SMOC1: variants seen among roughly 807,000 people sequenced by gnomAD.
The protein encoded by SMOC1 is SPARC related modular calcium binding 1.
In SMOC1, 22 loss-of-function variants were observed where a neutral mutation model predicts 56.3. That is an observed-to-expected ratio of 0.39 (90% CI 0.28 to 0.56). SMOC1 has a LOEUF of 0.56. Ranked by LOEUF, SMOC1 falls within the 20% of genes least tolerant of loss-of-function variation. The pLI, the probability that SMOC1 is intolerant of heterozygous loss-of-function variation, is 0.61. For synonymous variants in SMOC1, 193 were observed against 215.0 expected, an observed-to-expected ratio of 0.90 and a Z score of 0.89; for missense variants, 509 against 565.4, an observed-to-expected ratio of 0.90 and a Z score of 1.01.
intron 5 of SMOC1, among the ~76,000 whole-genome samples, chr14:69,984,151 A>T (rs1884278403): frequency 6.6e-6 from 1 of 152,246 alleles, no homozygotes; most frequent in South Asian, 2.1e-4. Context: ...AACAGAATAG[A>T]GGACCCAGAA....
At position 69,909,163 on chromosome 14, in the gene SMOC1, G is replaced by A. The variant is rs1008410482; in HGVS notation, c.99+29386G>A. Reference sequence around the variant, plus strand: ...TGTCTTAAATCTCCATACTCCTAGGGCTCAGCACTTTATCAAGTGCTGAAA... The same window carrying A: ...TGTCTTAAATCTCCATACTCCTAGGACTCAGCACTTTATCAAGTGCTGAAA... On this transcript the variant is annotated intron_variant, in intron 1 of 11. Transcript: ENST00000361956. 8.5e-5 allele frequency among the ~76,000 whole-genome samples: 13 copies of A among 152,074 alleles called. No individual in the cohort carries two copies. In the East Asian group the frequency reaches 1.3e-3, roughly 16 times the overall value.
chr14:70,006,757 C>T (rs1885160762), intron 7 of SMOC1, among the ~76,000 whole-genome samples: 1 of 152,156 alleles, frequency 6.6e-6, no homozygotes, highest in South Asian at 2.1e-4. Flanking sequence ...AGGTGACCTC[C>T]CTCTCACATC....
intron 1 of SMOC1, among the ~76,000 whole-genome samples, chr14:69,921,900 C>G (rs910983293): frequency 6.6e-6 from 1 of 152,192 alleles, no homozygotes; most frequent in Non-Finnish European, 1.5e-5. Context: ...GGCCCCCTTT[C>G]CACCCCTGGA....
At chr14:69,903,570 C>G (rs1884321449) in intron 1 of SMOC1, among the ~76,000 whole-genome samples, 2 of 152,332 alleles carry the variant, frequency 1.3e-5, no homozygotes, top group Middle Eastern at 3.4e-3. Flanking sequence ...AAAAATTCCT[C>G]TGCCTTGGGA....
In SMOC1 at chr14:69,947,998, G is replaced by A. The variant is rs536039428; in HGVS notation, c.100-4140G>A. ...CATGCTCCTTGTCTCCACCCTAAATGGTAATCTCACTGAGGGTGGGTACCA... is the reference window on the plus strand; with the variant it reads ...CATGCTCCTTGTCTCCACCCTAAATAGTAATCTCACTGAGGGTGGGTACCA... On this transcript the variant is annotated intron_variant, in intron 1 of 11. Transcript: ENST00000361956. Among the ~76,000 whole-genome samples, 5 of 152,278 alleles carry A rather than the reference G, an allele frequency of 3.3e-5. No homozygotes were observed. The East Asian group carries it at 5.8e-4, about 18-fold the overall frequency.
chr14:69,918,083 A>G (rs918954551), intron 1 of SMOC1, among the ~76,000 whole-genome samples: 6 of 152,344 alleles, frequency 3.9e-5, no homozygotes, highest in Admixed American at 2.0e-4. Context: ...GCTAATTAAC[A>G]TATCTATCAT....
At chr14:69,975,855 A>G in intron 4 of SMOC1, 41 bp downstream of exon 4, 1 of 1,474,038 alleles carries the variant, frequency 6.8e-7, no homozygotes, top group East Asian at 2.3e-5. Context: ...AGGGTTGGAG[A>G]GAGACCCGTT....
intron 1 of SMOC1, among the ~76,000 whole-genome samples, chr14:69,899,593 CA>C (rs1218977297): frequency 6.6e-6 from 1 of 152,154 alleles, no homozygotes; most frequent in Non-Finnish European, 1.5e-5. Flanking sequence ...ATGAATTGTC[CA>C]ATCCCCAGGC....
intron 7 of SMOC1, among the ~76,000 whole-genome samples, chr14:70,000,930 G>C (rs1390139912): frequency 6.6e-6 from 1 of 152,214 alleles, no homozygotes; most frequent in Non-Finnish European, 1.5e-5. Flanking sequence ...GATATGGGGT[G>C]GACGGTGTTA....
chr14:69,934,536 G>A (rs753948636), intron 1 of SMOC1, among the ~76,000 whole-genome samples: 2 of 152,240 alleles, frequency 1.3e-5, no homozygotes, highest in Non-Finnish European at 2.9e-5. Context: ...CCACAGGGGA[G>A]AAGTGTTGGG....
rs535277742 is a variant in SMOC1 at position 70,007,180 on chromosome 14, T to C, written c.665-3574T>C. Among the ~76,000 whole-genome samples the C allele has an allele frequency of 1.7e-4, 26 of 152,364 alleles. No homozygotes were observed. In the South Asian group the frequency reaches 5.2e-3, roughly 30 times the overall value. On this transcript the variant is annotated intron_variant, in intron 7 of 11. Transcript: ENST00000361956. ...TGTCAGCTCTGCCACTTCCTAGTTC[T>C]ATGATCATCCAATTTCTCAACCAGT...
At chr14:69,989,140 G>A (rs1332118759) in intron 5 of SMOC1, among the ~76,000 whole-genome samples, 2 of 152,148 alleles carry the variant, frequency 1.3e-5, no homozygotes, top group African/African-American at 2.4e-5. Context: ...ATGCCCAGTT[G>A]TACATTCTCA....
At chr14:69,973,717 G>A (rs1406944869) in intron 3 of SMOC1, among the ~76,000 whole-genome samples, 1 of 152,196 alleles carries the variant, frequency 6.6e-6, no homozygotes, top group Non-Finnish European at 1.5e-5. Context: ...CTGTCGATAG[G>A]TCCATAGCGA....
chr14:69,883,915 T>TC, intron 1 of SMOC1, among the ~76,000 whole-genome samples: 1 of 140,226 alleles, frequency 7.1e-6, no homozygotes, highest in South Asian at 2.4e-4. Context: ...TTTTTTTTTT[T>TC]TTGAGACGGA....
chr14:69,925,577 C>G lies in SMOC1; in HGVS notation c.100-26561C>G, dbSNP rs1045716182. On this transcript the variant is annotated intron_variant, in intron 1 of 11. Transcript: ENST00000361956. ...ATTTATGTGTGTGCTTGTCCCGATC[C>G]CCTTAAATGTAGAGCCCACGGGGCC... Among the ~76,000 whole-genome samples the G allele has an allele frequency of 2.0e-5, 3 of 152,162 alleles. No homozygotes were observed. The South Asian group carries it at 6.2e-4, about 32-fold the overall frequency.
intron 1 of SMOC1, among the ~76,000 whole-genome samples, chr14:69,911,913 T>C (rs891281884): frequency 6.6e-6 from 1 of 152,226 alleles, no homozygotes; most frequent in Non-Finnish European, 1.5e-5. Flanking sequence ...TGGCTAACTT[T>C]ATGAGAAACT....
chr14:69,979,299 A>G (rs2139512028), intron 5 of SMOC1, among the ~76,000 whole-genome samples: 1 of 152,316 alleles, frequency 6.6e-6, no homozygotes, highest in Admixed American at 6.5e-5. Context: ...AGGTGCTCCA[A>G]GAAGATGTGG....
intron 1 of SMOC1, chr14:69,885,630 G>A: frequency 6.8e-7 from 1 of 1,472,434 alleles, no homozygotes; most frequent in Admixed American, 1.7e-5. Flanking sequence ...CATAGGGCAG[G>A]CAAGAAGACA....
At chr14:70,027,978 C>T (rs545045669) in intron 11 of SMOC1, among the ~76,000 whole-genome samples, 1 of 152,314 alleles carries the variant, frequency 6.6e-6, no homozygotes, top group East Asian at 1.9e-4. Flanking sequence ...GGTCATCCAT[C>T]CCGTGTCGTG....
Sources: gnomAD v4.1 joint callset for allele counts (sites outside exome capture counted in the v4.1 genomes callset) on GRCh38, gnomAD v4.1.1 for gene constraint, MANE v1.5 for transcripts, NCBI Gene and HGNC (gene_info 2026-07-23, HGNC 2026-07-21) for gene names.